Variants in CSMD1 observed in about 807,000 individuals in gnomAD.
The protein encoded by CSMD1 is CUB and sushi domain-containing protein 1.
Under a neutral mutation model 417.5 loss-of-function variants are expected in CSMD1, and 213 were observed. The observed-to-expected ratio is 0.51, with a 90% CI of 0.46 to 0.57. CSMD1 has a LOEUF of 0.57. Ranked by LOEUF, CSMD1 falls within the 20% of genes least tolerant of loss-of-function variation. The pLI, the probability that CSMD1 is intolerant of heterozygous loss-of-function variation, is 0.00. For synonymous variants in CSMD1, 2,862 were observed against 1,736.8 expected (o/e 1.65, Z -16.11); for missense variants, 6,923 against 4,529.7 (o/e 1.53, Z -15.17).
chr8:3,933,449 G>T (rs1051919627), intron 5 of CSMD1, among the ~76,000 whole-genome samples: 1 of 151,968 alleles, frequency 6.6e-6, no homozygotes, highest in Non-Finnish European at 1.5e-5. Context: ...AGCATTTCCC[G>T]CCTACATCTT....
At chr8:4,533,111 C>T (rs1441866592) in intron 2 of CSMD1, among the ~76,000 whole-genome samples, 1 of 152,190 alleles carries the variant, frequency 6.6e-6, no homozygotes, top group South Asian at 2.1e-4. Flanking sequence ...TATAAATGGC[C>T]ATCCAACATA....
chr8:4,726,655 T>C (rs1463734542), intron 1 of CSMD1, among the ~76,000 whole-genome samples: 1 of 152,176 alleles, frequency 6.6e-6, no homozygotes, highest in East Asian at 1.9e-4. Flanking sequence ...TTCATCATCC[T>C]CCCTCCTCTG....
chr8:4,516,109 G>A (rs1008632366), intron 2 of CSMD1, among the ~76,000 whole-genome samples: 1 of 152,080 alleles, frequency 6.6e-6, no homozygotes, highest in Non-Finnish European at 1.5e-5. Context: ...CGGGGGCTGA[G>A]TTCTTTAGAG....
chr8:4,032,288 C>A (rs1396486589), intron 3 of CSMD1, among the ~76,000 whole-genome samples, 189 bp from the exon 4 acceptor site: 1 of 152,164 alleles, frequency 6.6e-6, no homozygotes, highest in East Asian at 1.9e-4. Flanking sequence ...TGCAGTATAA[C>A]ACTTTTATAA....
chr8:3,694,152 G>A (rs570704660), intron 7 of CSMD1, among the ~76,000 whole-genome samples: 1 of 152,076 alleles, frequency 6.6e-6, no homozygotes, highest in South Asian at 2.1e-4. Context: ...TGTACATGCT[G>A]GAGAGGGGCT....
At chr8:4,393,521 A>C (rs932641142) in intron 3 of CSMD1, among the ~76,000 whole-genome samples, 8 of 152,322 alleles carry the variant, frequency 5.3e-5, no homozygotes, top group Non-Finnish European at 1.0e-4. Context: ...CATACATCCT[A>C]GGCCCAGTTT....
At chr8:4,318,238 T>C (rs1043837962) in intron 3 of CSMD1, among the ~76,000 whole-genome samples, 7 of 152,144 alleles carry the variant, frequency 4.6e-5, no homozygotes, top group Admixed American at 3.3e-4. Context: ...TTTGTCACTG[T>C]AGAAAGAAAT....
chr8:3,942,031 T>A (rs531006155), intron 5 of CSMD1, among the ~76,000 whole-genome samples: 1 of 151,968 alleles, frequency 6.6e-6, no homozygotes, highest in Non-Finnish European at 1.5e-5. Context: ...TAGATTCTTA[T>A]AGGCGCGCAA....
intron 5 of CSMD1, among the ~76,000 whole-genome samples, chr8:3,879,750 C>A (rs1441970551): frequency 6.6e-6 from 1 of 152,132 alleles, no homozygotes; most frequent in Non-Finnish European, 1.5e-5. Flanking sequence ...TGTGGACTAG[C>A]ACGTTTTTCT....
intron 4 of CSMD1, among the ~76,000 whole-genome samples, chr8:4,029,281 A>G (rs921038486): frequency 1.3e-5 from 2 of 152,192 alleles, no homozygotes; most frequent in African/African-American, 2.4e-5. Flanking sequence ...ATATAATAAC[A>G]AGTTGCATTA....
rs78458982 is a variant in CSMD1, at chr8:3,775,532, G to A, written c.819-21490C>T. Among the ~76,000 whole-genome samples the A allele has an allele frequency of 5.8e-4, 88 of 152,296 alleles. No individual in the cohort carries two copies. The East Asian group carries it at 7.1e-3, about 12-fold the overall frequency. Reference sequence around the variant, plus strand: ...TTCCAATAGGATCCTAATATTAAAAGCAGGGAGAACTTTTACAAGAGCGCA... The same window carrying A: ...TTCCAATAGGATCCTAATATTAAAAACAGGGAGAACTTTTACAAGAGCGCA... On this transcript the variant is annotated intron_variant, in intron 5 of 69. Transcript: ENST00000635120.
intron 30 of CSMD1, among the ~76,000 whole-genome samples, chr8:3,214,225 G>A (rs1471057950): frequency 6.6e-6 from 1 of 152,046 alleles, no homozygotes; most frequent in East Asian, 1.9e-4. Context: ...ATAAAGAACA[G>A]ATCTAGAACA....
chr8:3,978,844 C>G (rs1277212439), intron 5 of CSMD1, among the ~76,000 whole-genome samples: 5 of 152,094 alleles, frequency 3.3e-5, no homozygotes, highest in Non-Finnish European at 7.3e-5. Context: ...CCTCTTGATC[C>G]CTTCCCAGCG....
intron 3 of CSMD1, among the ~76,000 whole-genome samples, chr8:4,315,838 A>G (rs1798892239): frequency 6.6e-6 from 1 of 152,188 alleles, no homozygotes; most frequent in Non-Finnish European, 1.5e-5. Context: ...GTTTTCAAAA[A>G]TTTGTTTCAT....
chr8:4,506,259 T>C (rs188740272), intron 2 of CSMD1, among the ~76,000 whole-genome samples: 1 of 152,036 alleles, frequency 6.6e-6, no homozygotes, highest in South Asian at 2.1e-4. Flanking sequence ...CACTAATGTG[T>C]TCCAGGAACA....
At chr8:4,740,213 A>G (rs1411459219) in intron 1 of CSMD1, among the ~76,000 whole-genome samples, 2 of 152,168 alleles carry the variant, frequency 1.3e-5, no homozygotes, top group African/African-American at 2.4e-5. Flanking sequence ...CACCCCAGGA[A>G]CAAGTGGAAT....
At chr8:3,237,820 C>T (rs1198692723) in intron 26 of CSMD1, among the ~76,000 whole-genome samples, 4 of 104,792 alleles carry the variant, frequency 3.8e-5, no homozygotes, top group African/African-American at 1.4e-4. Flanking sequence ...TATACTTATA[C>T]TACAAGTATA....
chr8:3,543,339 G>T (rs1387519682), intron 10 of CSMD1, among the ~76,000 whole-genome samples: 1 of 152,184 alleles, frequency 6.6e-6, no homozygotes. Flanking sequence ...AGTCACTGGG[G>T]ATTTTGAGCA....
intron 3 of CSMD1, among the ~76,000 whole-genome samples, chr8:4,315,859 C>T (rs922981621): frequency 6.6e-6 from 1 of 152,032 alleles, no homozygotes; most frequent in Non-Finnish European, 1.5e-5. Context: ...ATTATATTCT[C>T]AGTCTTCTTA....
Sources: allele counts gnomAD v4.1 joint callset (sites outside exome capture counted in the v4.1 genomes callset), GRCh38; gene constraint gnomAD v4.1.1; transcripts MANE v1.5; gene names NCBI Gene and HGNC (gene_info 2026-07-23, HGNC 2026-07-21).